The following METTL15 variants were observed in gnomAD, a reference collection of about 807,000 sequenced individuals.
The protein encoded by METTL15 is methyltransferase 15, mitochondrial 12S rRNA N4-cytidine, also known as 12S rRNA N(4)-cytidine methyltransferase METTL15.
Under a neutral mutation model 38.3 loss-of-function variants are expected in METTL15, and 34 were observed. That is an observed-to-expected ratio of 0.89 (90% CI 0.68 to 1.18). The LOEUF (loss-of-function observed/expected upper bound fraction) is 1.18. Ranked by LOEUF, METTL15 falls within the 50% of genes most tolerant of loss-of-function variation. The pLI is 0.00. For synonymous variants in METTL15, 162 were observed against 170.9 expected (o/e 0.95, Z 0.41); for missense variants, 438 against 498.4 (o/e 0.88, Z 1.15).
At chr11:28,340,960 G>A (rs1161088250) in intron 3 of METTL15, among the ~76,000 whole-genome samples, 1 of 152,154 alleles carries the variant, frequency 6.6e-6, no homozygotes, top group African/African-American at 2.4e-5. Context: ...AGAAAATGTG[G>A]CACATATACA....
chr11:28,267,085 A>G (rs1855452937), intron 4 of METTL15, among the ~76,000 whole-genome samples: 1 of 149,494 alleles, frequency 6.7e-6, no homozygotes, highest in East Asian at 2.0e-4. Flanking sequence ...GCTTGAACCC[A>G]GGAGGCAGAG....
intron 4 of METTL15, among the ~76,000 whole-genome samples, chr11:28,225,506 G>C (rs938172408): frequency 6.6e-6 from 1 of 150,678 alleles, no homozygotes; most frequent in Admixed American, 6.6e-5. Flanking sequence ...TTTTCTTCTG[G>C]TTGTAGTATT....
chr11:28,153,719 C>T (rs1390729429), intron 3 of METTL15, among the ~76,000 whole-genome samples: 1 of 152,084 alleles, frequency 6.6e-6, no homozygotes, highest in Non-Finnish European at 1.5e-5. Context: ...GTGCTTAGAA[C>T]ATGATGGAAT....
At chr11:28,291,015 A>G (rs1856490081) in intron 5 of METTL15, among the ~76,000 whole-genome samples, 1 of 151,538 alleles carries the variant, frequency 6.6e-6, no homozygotes, top group South Asian at 2.1e-4. Context: ...CACAAAAACA[A>G]TCATATTCTA....
At chr11:28,176,917 G>A (rs1238699143) in intron 3 of METTL15, among the ~76,000 whole-genome samples, 1 of 152,086 alleles carries the variant, frequency 6.6e-6, no homozygotes, top group Non-Finnish European at 1.5e-5. Flanking sequence ...AAGTGGAATA[G>A]CTGGATAATG....
At chr11:28,187,164 C>G (rs1380787687) in intron 3 of METTL15, among the ~76,000 whole-genome samples, 1 of 151,134 alleles carries the variant, frequency 6.6e-6, no homozygotes, top group African/African-American at 2.4e-5. Context: ...ATAAAATTAA[C>G]TAAATTTATC....
chr11:28,374,053 G>T (rs905670602), intron 5 of METTL15, among the ~76,000 whole-genome samples: 5 of 152,160 alleles, frequency 3.3e-5, no homozygotes, highest in African/African-American at 1.2e-4. Context: ...GTGCCATGCT[G>T]TTTTGGTTAC....
intron 5 of METTL15, among the ~76,000 whole-genome samples, chr11:28,404,788 G>T (rs965198506): frequency 2.0e-5 from 3 of 152,052 alleles, no homozygotes; most frequent in African/African-American, 7.2e-5. Context: ...GATCCTTGGA[G>T]TGCAAATGTC....
intron 4 of METTL15, among the ~76,000 whole-genome samples, chr11:28,250,438 G>A (rs1176571951): frequency 6.6e-6 from 1 of 151,800 alleles, no homozygotes; most frequent in African/African-American, 2.4e-5. Flanking sequence ...CCACATTATG[G>A]TTTTGATTTG....
chr11:28,161,123 T>G (rs1276814327), intron 3 of METTL15, among the ~76,000 whole-genome samples: 1 of 146,390 alleles, frequency 6.8e-6, no homozygotes, highest in Non-Finnish European at 1.5e-5. Flanking sequence ...TTTTTTTTTT[T>G]TTTGTTTTTT....
At chr11:28,139,660 G>T (rs1239363008) in intron 3 of METTL15, among the ~76,000 whole-genome samples, 1 of 151,882 alleles carries the variant, frequency 6.6e-6, no homozygotes, top group African/African-American at 2.4e-5. Flanking sequence ...TCATGCTAAG[G>T]TAAATCTGTG....
intron 5 of METTL15, among the ~76,000 whole-genome samples, chr11:28,388,775 C>T (rs1850468567): frequency 6.6e-6 from 1 of 152,084 alleles, no homozygotes; most frequent in Non-Finnish European, 1.5e-5. Flanking sequence ...TGGTGTGCTG[C>T]ACCCATTAAC....
At chr11:28,436,785 A>C (rs1421717993) in intron 6 of METTL15, among the ~76,000 whole-genome samples, 1 of 152,258 alleles carries the variant, frequency 6.6e-6, no homozygotes, top group South Asian at 2.1e-4. Flanking sequence ...TCAGTGTGAT[A>C]GTTAATATTG....
At chr11:28,377,296 C>G (rs1359552389) in intron 5 of METTL15, among the ~76,000 whole-genome samples, 1 of 151,832 alleles carries the variant, frequency 6.6e-6, no homozygotes, top group Admixed American at 6.6e-5. Flanking sequence ...TTCAGGTACA[C>G]CAATCAGACA....
At chr11:28,131,865 C>T (rs1419591958) in intron 3 of METTL15, among the ~76,000 whole-genome samples, 1 of 152,162 alleles carries the variant, frequency 6.6e-6, no homozygotes, top group Non-Finnish European at 1.5e-5. Context: ...GTTATAAAGT[C>T]TAGCCTTGTT....
chr11:28,499,473 C>T lies in METTL15; in HGVS notation c.*425-27005C>T, dbSNP rs150085278. Among the ~76,000 whole-genome samples the T allele has an allele frequency of 4.8e-4, 73 of 152,226 alleles. 1 individual carries two copies. In the East Asian group the frequency reaches 0.013, roughly 27 times the overall value. ...CAGCTACAAAAGAGACATATTGTTC[C>T]ATTAGTTCTCTTTATTCCTAGATGA... On this transcript the variant is annotated intron_variant and NMD_transcript_variant, in intron 6 of 7. Coordinates refer to the METTL15 transcript ENST00000532947.
In METTL15 at chr11:28,116,092, T is replaced by C. The variant is rs556916237; in HGVS notation, c.270+2488T>C. On this transcript the variant is annotated intron_variant, in intron 3 of 6. Coordinates refer to ENST00000407364, the MANE Select transcript of METTL15 (RefSeq NM_001113528.2). ...TAAGATCTTTCATTATGACCTTATA[T>C]CATAATCTAGATATTTAATTTAGAT... Among the ~76,000 whole-genome samples the C allele has an allele frequency of 3.9e-5, 6 of 152,188 alleles. No homozygotes were observed. The South Asian group carries it at 1.2e-3, about 32-fold the overall frequency.
At chr11:28,360,460 A>G (rs1850127221) in intron 4 of METTL15, among the ~76,000 whole-genome samples, 1 of 152,216 alleles carries the variant, frequency 6.6e-6, no homozygotes, top group Non-Finnish European at 1.5e-5. Context: ...ATGTAAACCA[A>G]GGATCTATGA....
chr11:28,109,155 C>A (rs1056515387), intron 1 of METTL15, among the ~76,000 whole-genome samples: 2 of 152,068 alleles, frequency 1.3e-5, no homozygotes, highest in African/African-American at 4.8e-5. Flanking sequence ...ATATGGAAAC[C>A]TCTGTATTAT....
Sources: gnomAD v4.1 joint callset for allele counts (sites outside exome capture counted in the v4.1 genomes callset) on GRCh38, gnomAD v4.1.1 for gene constraint, MANE v1.5 for transcripts, NCBI Gene and HGNC (gene_info 2026-07-23, HGNC 2026-07-21) for gene names.